The following ADGRL3 variants were observed in gnomAD, a reference collection of about 807,000 sequenced individuals.
The protein encoded by ADGRL3 is adhesion G protein-coupled receptor L3, also known as calcium-independent alpha-latrotoxin receptor 3.
ADGRL3 carries 62 observed loss-of-function variants against 153.5 expected under a neutral mutation model. The observed-to-expected ratio is 0.40, with a 90% CI of 0.33 to 0.50. The LOEUF is 0.50. ADGRL3 is among the 20% of genes least tolerant of loss of function. The pLI is 0.47. For synonymous variants in ADGRL3, 710 were observed against 672.5 expected, an observed-to-expected ratio of 1.06 and a Z score of -0.86; for missense variants, 1,641 against 1,859.4, an observed-to-expected ratio of 0.88 and a Z score of 2.16.
At chr4:61,371,124 C>G (rs1221819188) in intron 1 of ADGRL3, among the ~76,000 whole-genome samples, 2 of 149,880 alleles carry the variant, frequency 1.3e-5, no homozygotes, top group African/African-American at 4.9e-5. Flanking sequence ...CTATGTGTGT[C>G]TCTGCACGTG....
At chr4:61,468,548 A>C (rs185424634) in intron 2 of ADGRL3, among the ~76,000 whole-genome samples, 9 of 152,312 alleles carry the variant, frequency 5.9e-5, no homozygotes, top group African/African-American at 1.7e-4. Context: ...CCTTAACCTC[A>C]AACGAGTTAA....
chr4:61,302,938 C>T (rs953633134), intron 1 of ADGRL3, among the ~76,000 whole-genome samples: 5 of 152,090 alleles, frequency 3.3e-5, no homozygotes, highest in African/African-American at 1.2e-4. Flanking sequence ...CTATTTCTTT[C>T]TGTCACTTCA....
intron 8 of ADGRL3, among the ~76,000 whole-genome samples, chr4:61,782,249 G>A (rs2097221688): frequency 6.6e-6 from 1 of 152,062 alleles, no homozygotes; most frequent in African/African-American, 2.4e-5. Flanking sequence ...TTAATGAGAA[G>A]GAATAATATT....
intron 2 of ADGRL3, among the ~76,000 whole-genome samples, chr4:61,483,089 A>G (rs2098149048): frequency 6.6e-6 from 1 of 152,144 alleles, no homozygotes; most frequent in Non-Finnish European, 1.5e-5. Flanking sequence ...CCACTTTTGT[A>G]TTTAACTCTT....
chr4:61,532,547 C>CGTGTGTGTGTGT (rs1476156297), intron 4 of ADGRL3, among the ~76,000 whole-genome samples: 1 of 62,184 alleles, frequency 1.6e-5, no homozygotes, highest in African/African-American at 4.7e-5. Context: ...CGCGCGCGCG[C>CGTGTGTGTGTGT]GCGCGCGCGT....
chr4:61,428,914 TA>T (rs1240554074), intron 2 of ADGRL3, among the ~76,000 whole-genome samples: 61 of 149,500 alleles, frequency 4.1e-4, no homozygotes, highest in Non-Finnish European at 7.4e-4. Context: ...TCTATCTATC[TA>T]TCTATCTATC....
chr4:61,523,522 C>A (rs1178348283), intron 4 of ADGRL3, among the ~76,000 whole-genome samples: 3 of 152,036 alleles, frequency 2.0e-5, no homozygotes, highest in Non-Finnish European at 4.4e-5. Context: ...ATAATACGTT[C>A]TTTGCACATC....
chr4:61,876,854 A>G (rs1488815388), intron 9 of ADGRL3, among the ~76,000 whole-genome samples: 1 of 151,076 alleles, frequency 6.6e-6, no homozygotes, highest in South Asian at 2.1e-4. Context: ...TGCTCTGTCT[A>G]TGGAGTAGCC....
chr4:61,601,176 C>T (rs1470343987), intron 5 of ADGRL3, among the ~76,000 whole-genome samples: 1 of 152,096 alleles, frequency 6.6e-6, no homozygotes. Context: ...TTGTGATTAA[C>T]AAGTTTTCAA....
At chr4:61,377,143 C>CTATGG (rs942322137) in intron 1 of ADGRL3, among the ~76,000 whole-genome samples, 15 of 152,050 alleles carry the variant, frequency 9.9e-5, no homozygotes, top group Non-Finnish European at 1.8e-4. Flanking sequence ...CTATCATATC[C>CTATGG]TATGGTATGG....
In ADGRL3 at chr4:61,254,269, T is replaced by A. The variant is rs192293553; in HGVS notation, c.-240+52504T>A. 6.3e-4 allele frequency among the ~76,000 whole-genome samples: 96 copies of A among 152,232 alleles called. No individual in the cohort carries two copies. The East Asian group carries it at 0.016, about 25-fold the overall frequency. ...AGTCATTTTTTTAGAAGTTTTAAAA[T>A]GGGGATTGTAAACTCAGAAGCCTCA... is the stretch of plus-strand genomic sequence containing the variant. On this transcript the variant is annotated intron_variant, in intron 1 of 26. Coordinates refer to ENST00000683033, the MANE Select transcript of ADGRL3 (RefSeq NM_001387552.1).
intron 9 of ADGRL3, among the ~76,000 whole-genome samples, chr4:61,872,388 C>T (rs2098450662): frequency 1.4e-5 from 2 of 144,508 alleles, no homozygotes; most frequent in South Asian, 4.6e-4. Flanking sequence ...CCATTTCTTC[C>T]TTTCGCCCTT....
At position 61,644,884 on chromosome 4, in the gene ADGRL3, G is replaced by A. The variant is rs560332335; in HGVS notation, c.474-31942G>A. ...TGATCTGTCTAATGTTGACAGTGGG[G>A]TGTTAAAGTCTCCCATTATTAATGT... On this transcript the variant is annotated intron_variant, in intron 5 of 26. Transcript: ENST00000683033. Among the ~76,000 whole-genome samples, 332 of 151,894 alleles carry A rather than the reference G, an allele frequency of 2.2e-3. 1 individual carries two copies. The highest frequency in any genetic ancestry group is 3.4e-3 in the Middle Eastern group (1 of 290).
intron 9 of ADGRL3, among the ~76,000 whole-genome samples, chr4:61,862,331 A>G (rs1459668728): frequency 6.6e-6 from 1 of 152,182 alleles, no homozygotes; most frequent in African/African-American, 2.4e-5. Flanking sequence ...GATGAGAACT[A>G]AGGGACAGAG....
At chr4:61,704,939 T>C (rs2095831055) in intron 6 of ADGRL3, among the ~76,000 whole-genome samples, 1 of 152,194 alleles carries the variant, frequency 6.6e-6, no homozygotes, top group Non-Finnish European at 1.5e-5. Flanking sequence ...ATTCTAGTTC[T>C]CTTTCTATTT....
chr4:61,306,764 A>T (rs2094805195), intron 1 of ADGRL3, among the ~76,000 whole-genome samples: 1 of 152,134 alleles, frequency 6.6e-6, no homozygotes. Context: ...CACCACCCCA[A>T]ACAAAATTTA....
At position 61,201,115 on chromosome 4, in the gene ADGRL3, T is replaced by C. The variant is rs2148669562; in HGVS notation, c.-890T>C. 1 of 151,970 alleles carries C rather than the reference T, an allele frequency of 6.6e-6. No individual in the cohort carries two copies. Among genetic ancestry groups the C allele is most frequent in the East Asian group, 2.0e-4 (1 of 5,062 alleles). The allele number at this position is 151,970 out of a possible 1,614,324, so 9.4% of individuals were successfully genotyped here. A position where few individuals can be genotyped will look rare whatever the true frequency, so the allele number is the denominator to read the frequency against. On this transcript the variant is annotated 5_prime_UTR_variant, in exon 1 of 27. Coordinates refer to ENST00000683033, the MANE Select transcript of ADGRL3 (RefSeq NM_001387552.1). ...CCTGGCCCTCGCGGCTCCCCCTACCTATTCCATCGCTCCCGCTCCGAGGCG... is the reference window on the plus strand; with the variant it reads ...CCTGGCCCTCGCGGCTCCCCCTACCCATTCCATCGCTCCCGCTCCGAGGCG...
intron 5 of ADGRL3, among the ~76,000 whole-genome samples, chr4:61,663,942 T>G (rs562628774): frequency 6.6e-6 from 1 of 152,294 alleles, no homozygotes; most frequent in South Asian, 2.1e-4. Context: ...TCATAAGTTG[T>G]CATCAGAGTC....
intron 1 of ADGRL3, among the ~76,000 whole-genome samples, chr4:61,359,545 G>A (rs562974131): frequency 5.7e-4 from 87 of 152,196 alleles, no homozygotes; most frequent in Admixed American, 1.4e-3. Context: ...TCCTCTGCCA[G>A]AAATGCTCTG....
Sources: gnomAD v4.1 joint callset for allele counts (sites outside exome capture counted in the v4.1 genomes callset) on GRCh38, gnomAD v4.1.1 for gene constraint, MANE v1.5 for transcripts, NCBI Gene and HGNC (gene_info 2026-07-23, HGNC 2026-07-21) for gene names.